Variants in STX8 observed in about 807,000 individuals in gnomAD.
STX8 encodes syntaxin-8.
In STX8, 23 loss-of-function variants were observed where a neutral mutation model predicts 37.5. The observed-to-expected ratio is 0.61, with a 90% CI of 0.44 to 0.87. STX8 has a LOEUF of 0.87. Among genes scored for constraint, STX8 ranks in the 40% least tolerant of loss-of-function variants. The pLI, the probability that STX8 is intolerant of heterozygous loss-of-function variation, is 0.00. For synonymous variants in STX8, 115 were observed against 99.1 expected (o/e 1.16, Z -0.95); for missense variants, 313 against 284.7 (o/e 1.10, Z -0.71).
At chr17:9,437,881 G>C (rs1023531438) in intron 6 of STX8, 2 of 152,098 alleles carry the variant, frequency 1.3e-5, no homozygotes, top group African/African-American at 4.8e-5. Flanking sequence ...TCATTAGAAA[G>C]TTCTTCCTAA....
intron 4 of STX8, among the ~76,000 whole-genome samples, chr17:9,526,200 G>A (rs1905563294): frequency 6.6e-6 from 1 of 152,108 alleles, no homozygotes; most frequent in Admixed American, 6.5e-5. Context: ...CAAAACCCAG[G>A]GCAAAGGATG....
At chr17:9,538,655 T>A (rs1439756094) in intron 4 of STX8, among the ~76,000 whole-genome samples, 1 of 152,222 alleles carries the variant, frequency 6.6e-6, no homozygotes, top group East Asian at 1.9e-4. Context: ...CATCTTCTTT[T>A]GATTTTAGCA....
intron 7 of STX8, among the ~76,000 whole-genome samples, chr17:9,373,407 A>G (rs1911476470): frequency 6.6e-6 from 1 of 152,356 alleles, no homozygotes; most frequent in South Asian, 2.1e-4. Flanking sequence ...TATATACATA[A>G]AATGGAATTA....
At chr17:9,551,396 G>A (rs1906754923) in intron 3 of STX8, among the ~76,000 whole-genome samples, 1 of 152,180 alleles carries the variant, frequency 6.6e-6, no homozygotes, top group South Asian at 2.1e-4. Context: ...AAGAAAGGAT[G>A]ACCTGTAAAT....
intron 4 of STX8, among the ~76,000 whole-genome samples, chr17:9,506,558 G>A (rs1190460976): frequency 6.6e-6 from 1 of 152,086 alleles, no homozygotes; most frequent in African/African-American, 2.4e-5. Context: ...CAGCATGAAG[G>A]CCCCCAGCCT....
intron 6 of STX8, among the ~76,000 whole-genome samples, chr17:9,475,016 C>T (rs962989570): frequency 6.6e-6 from 1 of 152,042 alleles, no homozygotes; most frequent in Admixed American, 6.6e-5. Flanking sequence ...CTGAAGCCTC[C>T]AGAACACCAG....
At chr17:9,254,782 C>T (rs1170931203) in intron 7 of STX8, among the ~76,000 whole-genome samples, 2 of 152,110 alleles carry the variant, frequency 1.3e-5, no homozygotes, top group South Asian at 2.1e-4. Flanking sequence ...TCTCGTTCAC[C>T]GCCATATCCC....
At chr17:9,496,661 T>C (rs956396115) in intron 5 of STX8, among the ~76,000 whole-genome samples, 8 of 152,184 alleles carry the variant, frequency 5.3e-5, no homozygotes, top group African/African-American at 1.9e-4. Flanking sequence ...CAGATGTGAT[T>C]AAGGTTAAAA....
At chr17:9,339,913 C>A (rs776453692) in intron 7 of STX8, among the ~76,000 whole-genome samples, 16 of 152,214 alleles carry the variant, frequency 1.1e-4, no homozygotes, top group Non-Finnish European at 2.1e-4. Context: ...CATTTAGGAG[C>A]TAAGAAACAC....
Position 9,328,607 on chromosome 17 carries a change from G to A in STX8, c.643+49945C>T, listed in dbSNP as rs79589398. Reference sequence around the variant, plus strand: ...GGGTGACAAACGCTGAGGTTGGCCAGCTCCCAGTTGTACTGTTCAGGGTCA... The same window carrying A: ...GGGTGACAAACGCTGAGGTTGGCCAACTCCCAGTTGTACTGTTCAGGGTCA... On this transcript the variant is annotated intron_variant, in intron 7 of 7. Coordinates refer to ENST00000306357, the MANE Select transcript of STX8 (RefSeq NM_004853.3). Among the ~76,000 whole-genome samples, 1,256 of 152,296 alleles carry A rather than the reference G, an allele frequency of 8.2e-3. 20 individuals are homozygous for A. Among genetic ancestry groups the A allele is most frequent in the African/African-American group, 0.029 (1,194 of 41,558 alleles).
At chr17:9,291,513 T>C (rs1908312016) in intron 7 of STX8, among the ~76,000 whole-genome samples, 1 of 152,150 alleles carries the variant, frequency 6.6e-6, no homozygotes, top group Non-Finnish European at 1.5e-5. Flanking sequence ...CACATCATAT[T>C]TCCCTTTCTG....
chr17:9,269,136 G>A (rs1026875239), intron 7 of STX8, among the ~76,000 whole-genome samples: 12 of 151,170 alleles, frequency 7.9e-5, no homozygotes, highest in East Asian at 3.9e-4. Flanking sequence ...GCAGTGAGCC[G>A]AGATTGCGCC....
rs151041153 is a variant in STX8 at position 9,403,709 on chromosome 17, C to T, written c.542-25056G>A. Among the ~76,000 whole-genome samples the T allele has an allele frequency of 3.7e-3, 562 of 151,962 alleles. 4 individuals are homozygous for T. Among genetic ancestry groups the T allele is most frequent in the African/African-American group, 0.013 (533 of 41,426 alleles). The stretch of plus-strand genomic sequence containing the variant: ...TCGCCCAGGCTGGAGTCCAGTGGCA[C>T]GATCTCGGCTCACTGCAACCTCTGC... On this transcript the variant is annotated intron_variant, in intron 6 of 7. Coordinates refer to ENST00000306357, the MANE Select transcript of STX8 (RefSeq NM_004853.3).
At chr17:9,575,502 C>A (rs1366439465) in intron 1 of STX8, among the ~76,000 whole-genome samples, 1 of 152,166 alleles carries the variant, frequency 6.6e-6, no homozygotes, top group African/African-American at 2.4e-5. Flanking sequence ...CCAGGATGGG[C>A]GGGAAATCCC....
chr17:9,419,090 T>C (rs1913327719), intron 6 of STX8, among the ~76,000 whole-genome samples: 2 of 151,634 alleles, frequency 1.3e-5, no homozygotes, highest in Non-Finnish European at 2.9e-5. Context: ...TCCCTAATTT[T>C]TTTCAAAAAT....
intron 7 of STX8, among the ~76,000 whole-genome samples, chr17:9,346,600 C>T (rs764731281): frequency 2.6e-5 from 4 of 152,212 alleles, no homozygotes; most frequent in Non-Finnish European, 5.9e-5. Context: ...CTAGCTTATG[C>T]ATGCAGGTCT....
intron 2 of STX8, among the ~76,000 whole-genome samples, chr17:9,565,187 G>A (rs1007936319): frequency 1.3e-5 from 2 of 152,178 alleles, no homozygotes; most frequent in Non-Finnish European, 2.9e-5. Context: ...CAGCATGGGC[G>A]ACAGAGCAAG....
At chr17:9,380,503 G>A (rs1197424762) in intron 6 of STX8, among the ~76,000 whole-genome samples, 3 of 150,992 alleles carry the variant, frequency 2.0e-5, no homozygotes, top group African/African-American at 7.3e-5. Flanking sequence ...ATCCTCTTGT[G>A]TCAGCCTCTC....
chr17:9,541,358 G>A (rs1018550655), intron 4 of STX8, among the ~76,000 whole-genome samples: 2 of 152,138 alleles, frequency 1.3e-5, no homozygotes, highest in African/African-American at 4.8e-5. Flanking sequence ...GACAGACCAC[G>A]TCCTTCTAGA....
Sources: allele counts gnomAD v4.1 joint callset (sites outside exome capture counted in the v4.1 genomes callset), GRCh38; gene constraint gnomAD v4.1.1; transcripts MANE v1.5; gene names NCBI Gene and HGNC (gene_info 2026-07-23, HGNC 2026-07-21).